The following CSMD1 variants were observed in gnomAD, a reference collection of about 807,000 sequenced individuals.
CSMD1 encodes the protein CUB and Sushi multiple domains 1.
A neutral mutation model predicts 417.5 loss-of-function variants in CSMD1; 213 were observed. That is an observed-to-expected ratio of 0.51 (90% CI 0.46 to 0.57). CSMD1 has a LOEUF of 0.57. CSMD1 is among the 20% of genes least tolerant of loss of function. CSMD1 has a pLI of 0.00. For synonymous variants in CSMD1, 2,862 were observed against 1,736.8 expected (o/e 1.65, Z -16.11); for missense variants, 6,923 against 4,529.7 (o/e 1.53, Z -15.17).
intron 12 of CSMD1, among the ~76,000 whole-genome samples, chr8:3,441,062 T>G (rs139841147): frequency 3.1e-4 from 47 of 152,076 alleles, no homozygotes; most frequent in Admixed American, 3.1e-3. Flanking sequence ...ATGAAACACA[T>G]AGAGGAGAAA....
At position 3,910,150 on chromosome 8, in the gene CSMD1, TATG is replaced by T. The variant is rs1294791086; in HGVS notation, c.818+87750_818+87752del. The stretch of plus-strand genomic sequence containing the variant: ...CAGTGTGTGAGCTTTTCTTACAACT[TATG>T]TCGGACACATGTTACATCGGGGGAC... On this transcript the variant is annotated intron_variant, in intron 5 of 69. Coordinates refer to ENST00000635120, the MANE Select transcript of CSMD1 (RefSeq NM_033225.6). 2.6e-5 allele frequency among the ~76,000 whole-genome samples: 4 copies of T among 152,204 alleles called. No homozygotes were observed. The East Asian group carries it at 5.8e-4, about 22-fold the overall frequency.
intron 49 of CSMD1, among the ~76,000 whole-genome samples, chr8:3,057,233 T>C (rs908083610): frequency 1.3e-5 from 2 of 152,220 alleles, no homozygotes; most frequent in African/African-American, 2.4e-5. Context: ...TTGAATTTCA[T>C]AAAAACATCA....
At chr8:4,019,467 T>A (rs1796681968) in intron 4 of CSMD1, among the ~76,000 whole-genome samples, 1 of 152,058 alleles carries the variant, frequency 6.6e-6, no homozygotes, top group Admixed American at 6.5e-5. Flanking sequence ...AGGGCCCTTA[T>A]TAGGGCCCAC....
At chr8:4,166,832 T>G (rs960401954) in intron 3 of CSMD1, among the ~76,000 whole-genome samples, 65 of 152,354 alleles carry the variant, frequency 4.3e-4, no homozygotes, top group African/African-American at 1.5e-3. Flanking sequence ...ACTACTTATC[T>G]TTTTAAAATT....
chr8:3,744,787 G>C (rs1796985157), intron 6 of CSMD1, among the ~76,000 whole-genome samples: 1 of 149,242 alleles, frequency 6.7e-6, no homozygotes, highest in African/African-American at 2.4e-5. Context: ...TATTTCTCTA[G>C]AATGAATGAC....
intron 52 of CSMD1, among the ~76,000 whole-genome samples, chr8:3,013,689 T>A (rs1167571548): frequency 6.6e-6 from 1 of 151,022 alleles, no homozygotes; most frequent in African/African-American, 2.4e-5. Flanking sequence ...GAGGTGGAGG[T>A]TGCAGTGAGC....
At chr8:3,944,123 T>G (rs550394781) in intron 5 of CSMD1, among the ~76,000 whole-genome samples, 4 of 152,228 alleles carry the variant, frequency 2.6e-5, no homozygotes, top group African/African-American at 9.6e-5. Context: ...ATATTAATAT[T>G]TGGGGAATCT....
chr8:3,316,651 C>T (rs548181228), intron 23 of CSMD1, among the ~76,000 whole-genome samples: 2 of 152,070 alleles, frequency 1.3e-5, no homozygotes, highest in Non-Finnish European at 2.9e-5. Context: ...TTTACAGGAA[C>T]ATTTGTATAT....
chr8:3,807,309 C>A (rs1800800388), intron 5 of CSMD1, among the ~76,000 whole-genome samples: 1 of 152,120 alleles, frequency 6.6e-6, no homozygotes, highest in South Asian at 2.1e-4. Context: ...AAATAAAATA[C>A]AGTATCTGGT....
chr8:4,362,391 G>A (rs531254073), intron 3 of CSMD1, among the ~76,000 whole-genome samples: 1 of 150,200 alleles, frequency 6.7e-6, no homozygotes, highest in South Asian at 2.1e-4. Context: ...CAGAGCCTGG[G>A]GACAGAGTCT....
intron 7 of CSMD1, among the ~76,000 whole-genome samples, chr8:3,645,097 T>G (rs910226999): frequency 1.3e-5 from 2 of 152,074 alleles, no homozygotes; most frequent in Non-Finnish European, 2.9e-5. Flanking sequence ...GCACAACTTC[T>G]GTCCTGAAGC....
intron 4 of CSMD1, among the ~76,000 whole-genome samples, chr8:4,010,446 TG>T (rs1323100337): frequency 6.6e-6 from 1 of 152,290 alleles, no homozygotes; most frequent in East Asian, 1.9e-4. Flanking sequence ...CAGGTAATCC[TG>T]GGAAAAACAT....
chr8:4,115,307 A>C (rs896408953), intron 3 of CSMD1, among the ~76,000 whole-genome samples: 2 of 152,236 alleles, frequency 1.3e-5, no homozygotes, highest in Admixed American at 6.5e-5. Context: ...GCAACAAAAT[A>C]TTTTAAAATT....
chr8:3,447,680 C>G (rs541195913), intron 12 of CSMD1, among the ~76,000 whole-genome samples: 2 of 152,306 alleles, frequency 1.3e-5, no homozygotes, highest in African/African-American at 4.8e-5. Context: ...GTTGGAAGGG[C>G]TCTGCTCCCA....
chr8:3,591,737 C>T lies in CSMD1; in HGVS notation c.1098-5477G>A, dbSNP rs146431597. Among the ~76,000 whole-genome samples, 442 of 151,464 alleles carry T rather than the reference C, an allele frequency of 2.9e-3. 4 individuals carry two copies. Among genetic ancestry groups the T allele is most frequent in the African/African-American group, 0.01 (425 of 41,444 alleles). On this transcript the variant is annotated intron_variant, in intron 8 of 69. Transcript: ENST00000635120. ...TGATAGAGAGATTAGATGACAGATA[C>T]ACAGATAAACGGAGAGACAGATGAT...
At chr8:3,158,455 G>C (rs1335909549) in intron 38 of CSMD1, among the ~76,000 whole-genome samples, 1 of 152,152 alleles carries the variant, frequency 6.6e-6, no homozygotes, top group Non-Finnish European at 1.5e-5. Flanking sequence ...GTTCAGCAAA[G>C]CACTGGGTCG....
At chr8:3,968,056 G>A (rs145850230) in intron 5 of CSMD1, among the ~76,000 whole-genome samples, 4,265 of 149,958 alleles carry the variant, frequency 0.028, 65 homozygotes, top group African/African-American at 0.036. Flanking sequence ...GAGTGGTGGC[G>A]GGCGCCTGTA....
intron 10 of CSMD1, among the ~76,000 whole-genome samples, chr8:3,544,051 T>G (rs1225153559): frequency 6.6e-6 from 1 of 152,094 alleles, no homozygotes; most frequent in Non-Finnish European, 1.5e-5. Flanking sequence ...AAGTGTCCAG[T>G]GCTAACCACA....
intron 1 of CSMD1, among the ~76,000 whole-genome samples, chr8:4,943,528 T>C (rs1158550765): frequency 1.3e-4 from 13 of 100,978 alleles, no homozygotes; most frequent in Non-Finnish European, 2.0e-4. Flanking sequence ...TAAAATAAAA[T>C]AAAATAAAAT....
Sources: gnomAD v4.1 joint callset for allele counts (sites outside exome capture counted in the v4.1 genomes callset) on GRCh38, gnomAD v4.1.1 for gene constraint, MANE v1.5 for transcripts, NCBI Gene and HGNC (gene_info 2026-07-23, HGNC 2026-07-21) for gene names.